SIL1: variants seen among roughly 807,000 people sequenced by gnomAD.
SIL1 encodes nucleotide exchange factor SIL1.
A neutral mutation model predicts 49.1 loss-of-function variants in SIL1; 40 were observed. The observed-to-expected ratio is 0.81, with a 90% confidence interval of 0.63 to 1.06. The LOEUF (loss-of-function observed/expected upper bound fraction) is 1.06, where lower values mean the gene tolerates loss of function less well. Ranked by LOEUF, SIL1 falls within the 50% of genes least tolerant of loss-of-function variation. SIL1 has a pLI of 0.00. For synonymous variants in SIL1, 253 were observed against 250.8 expected (o/e 1.01, Z -0.08); for missense variants, 500 against 572.6 (o/e 0.87, Z 1.29).
At chr5:139,088,978 T>A (rs1249529682) in intron 3 of SIL1, among the ~76,000 whole-genome samples, 1 of 152,130 alleles carries the variant, frequency 6.6e-6, no homozygotes, top group Non-Finnish European at 1.5e-5. Flanking sequence ...CAAACCTCTA[T>A]CTCAGCATCG....
chr5:139,123,608 T>A (rs1344161940), intron 2 of SIL1, among the ~76,000 whole-genome samples: 1 of 152,174 alleles, frequency 6.6e-6, no homozygotes, highest in Non-Finnish European at 1.5e-5. Context: ...AGCATTAGAC[T>A]GCAGGACCAG....
At chr5:139,143,308 C>G (rs6863248) in intron 1 of SIL1, among the ~76,000 whole-genome samples, 1 of 59,636 alleles carries the variant, frequency 1.7e-5, no homozygotes, top group African/African-American at 5.1e-5. Context: ...TACATATATA[C>G]ACACACACAC....
chr5:139,005,180 C>T (rs1768082819), intron 7 of SIL1, among the ~76,000 whole-genome samples: 4 of 152,020 alleles, frequency 2.6e-5, no homozygotes, highest in African/African-American at 9.6e-5. Flanking sequence ...TTAGTCATTC[C>T]AGAATGTATA....
chr5:139,040,778 A>G (rs1219267692), intron 5 of SIL1, among the ~76,000 whole-genome samples: 1 of 152,034 alleles, frequency 6.6e-6, no homozygotes, highest in East Asian at 1.9e-4. Context: ...CACCCAGCCG[A>G]GAGGAGTATT....
intron 1 of SIL1, among the ~76,000 whole-genome samples, chr5:139,143,161 G>A (rs924451855): frequency 8.6e-5 from 13 of 151,412 alleles, no homozygotes; most frequent in African/African-American, 3.2e-4. Flanking sequence ...TATTGGAAAG[G>A]AAGATGTAAA....
intron 5 of SIL1, among the ~76,000 whole-genome samples, chr5:139,037,714 G>T (rs10072628): frequency 0.022 from 3,284 of 151,964 alleles, 124 homozygotes; most frequent in African/African-American, 0.076. Context: ...CTTATCTTCT[G>T]TTTCCTTGCT....
At chr5:138,974,256 T>G (rs1481576448) in intron 7 of SIL1, among the ~76,000 whole-genome samples, 5 of 152,226 alleles carry the variant, frequency 3.3e-5, no homozygotes, top group African/African-American at 1.2e-4. Context: ...CCTCTTGGGC[T>G]CTCCTGCCTG....
chr5:139,177,093 C>T (rs1050106088), intron 1 of SIL1, among the ~76,000 whole-genome samples: 11 of 151,758 alleles, frequency 7.2e-5, no homozygotes, highest in Non-Finnish European at 1.6e-4. Context: ...CCACCACAGC[C>T]GGCTAATTTT....
At chr5:139,087,470 G>C (rs1228608348) in intron 3 of SIL1, among the ~76,000 whole-genome samples, 3 of 152,104 alleles carry the variant, frequency 2.0e-5, no homozygotes, top group African/African-American at 7.2e-5. Flanking sequence ...CTTGAGCCCA[G>C]GAGTTTCCAG....
chr5:138,971,477 G>T (rs1767267969), intron 7 of SIL1, among the ~76,000 whole-genome samples: 1 of 152,156 alleles, frequency 6.6e-6, no homozygotes, highest in Non-Finnish European at 1.5e-5. Flanking sequence ...AGCACTAAAA[G>T]CATAGTGAGG....
At chr5:139,166,995 G>T (rs1350054584) in intron 1 of SIL1, among the ~76,000 whole-genome samples, 4 of 151,956 alleles carry the variant, frequency 2.6e-5, no homozygotes, top group African/African-American at 9.7e-5. Flanking sequence ...TGTATTTTTA[G>T]TAGAGACGGG....
chr5:139,093,708 G>A (rs1487770693), intron 3 of SIL1: 1 of 152,188 alleles, frequency 6.6e-6, no homozygotes, highest in African/African-American at 2.4e-5. Flanking sequence ...GGGATCACAT[G>A]ATGTCAGGCT....
At chr5:139,015,107 TC>T (rs1768370221) in intron 7 of SIL1, among the ~76,000 whole-genome samples, 1 of 152,218 alleles carries the variant, frequency 6.6e-6, no homozygotes, top group Admixed American at 6.5e-5. Context: ...ACAATTCATG[TC>T]CAAGGTATCA....
chr5:139,003,136 C>G (rs768576718), intron 7 of SIL1, among the ~76,000 whole-genome samples: 1 of 151,868 alleles, frequency 6.6e-6, no homozygotes, highest in Non-Finnish European at 1.5e-5. Flanking sequence ...AATTAGGACT[C>G]TAGTATTCTC....
intron 4 of SIL1, among the ~76,000 whole-genome samples, chr5:139,047,610 C>T (rs771071687): frequency 1.8e-4 from 28 of 152,252 alleles, no homozygotes; most frequent in Admixed American, 7.2e-4. Context: ...AAGCAAAATA[C>T]TCTAACAATT....
chr5:138,981,077 T>A (rs1459299340), intron 7 of SIL1, among the ~76,000 whole-genome samples: 1 of 151,956 alleles, frequency 6.6e-6, no homozygotes, highest in Admixed American at 6.6e-5. Flanking sequence ...TGGTGGCGCA[T>A]ACTTGTAATC....
chr5:139,039,620 C>T (rs1411678077), intron 5 of SIL1, among the ~76,000 whole-genome samples: 3 of 152,158 alleles, frequency 2.0e-5, no homozygotes, highest in African/African-American at 4.8e-5. Flanking sequence ...GGTCCCTAGC[C>T]AGTCTGCTGC....
At chr5:138,964,034 T>A (rs1246111899) in intron 7 of SIL1, among the ~76,000 whole-genome samples, 1 of 152,228 alleles carries the variant, frequency 6.6e-6, no homozygotes, top group African/African-American at 2.4e-5. Flanking sequence ...TCAAGGCCCT[T>A]TGACCTGACT....
chr5:138,953,708 G>C (rs1302356090), intron 7 of SIL1, among the ~76,000 whole-genome samples: 2 of 152,222 alleles, frequency 1.3e-5, no homozygotes, highest in African/African-American at 4.8e-5. Context: ...CTTGAGACAG[G>C]CAGCTGTTTC....
Sources: allele counts gnomAD v4.1 joint callset (sites outside exome capture counted in the v4.1 genomes callset), GRCh38; gene constraint gnomAD v4.1.1; transcripts MANE v1.5; gene names NCBI Gene and HGNC (gene_info 2026-07-23, HGNC 2026-07-21).